The following GALNTL6 variants were observed in gnomAD, a reference collection of about 807,000 sequenced individuals.
GALNTL6 encodes the protein polypeptide N-acetylgalactosaminyltransferase like 6, also known as polypeptide N-acetylgalactosaminyltransferase-like 6.
Under a neutral mutation model 73.7 loss-of-function variants are expected in GALNTL6, and 46 were observed. The observed-to-expected ratio is 0.62, with a 90% CI of 0.49 to 0.80. GALNTL6 has a LOEUF of 0.80. Among genes scored for constraint, GALNTL6 ranks in the 30% least tolerant of loss-of-function variants. The pLI, the probability that GALNTL6 is intolerant of heterozygous loss-of-function variation, is 0.00. For synonymous variants in GALNTL6, 259 were observed against 263.7 expected, an observed-to-expected ratio of 0.98 and a Z score of 0.17; for missense variants, 604 against 755.0, an observed-to-expected ratio of 0.80 and a Z score of 2.34.
intron 10 of GALNTL6, among the ~76,000 whole-genome samples, chr4:172,982,938 A>G (rs544218280): frequency 1.3e-4 from 20 of 152,250 alleles, no homozygotes; most frequent in Admixed American, 9.2e-4. Flanking sequence ...AAATGTATAC[A>G]TATGGATATA....
At chr4:172,542,854 A>G (rs1735613831) in intron 5 of GALNTL6, among the ~76,000 whole-genome samples, 1 of 151,994 alleles carries the variant, frequency 6.6e-6, no homozygotes, top group Non-Finnish European at 1.5e-5. Flanking sequence ...GCACTTTGGG[A>G]GGCGCAGGCG....
At chr4:172,078,854 A>G (rs545468937) in intron 2 of GALNTL6, among the ~76,000 whole-genome samples, 1 of 152,300 alleles carries the variant, frequency 6.6e-6, no homozygotes, top group African/African-American at 2.4e-5. Flanking sequence ...ATAGAAATCT[A>G]AATTTTAAAA....
chr4:172,284,435 AC>A (rs921904181), intron 3 of GALNTL6, among the ~76,000 whole-genome samples: 1 of 149,120 alleles, frequency 6.7e-6, no homozygotes, highest in Non-Finnish European at 1.5e-5. Flanking sequence ...CACCATGTGC[AC>A]CCCCCTGCAC....
intron 7 of GALNTL6, among the ~76,000 whole-genome samples, chr4:172,844,466 T>C (rs1743383345): frequency 6.6e-6 from 1 of 152,252 alleles, no homozygotes. Flanking sequence ...TCAAATCTTT[T>C]TCTTCCAAAG....
intron 4 of GALNTL6, among the ~76,000 whole-genome samples, chr4:172,333,234 C>G (rs2111185634): frequency 6.6e-6 from 1 of 152,126 alleles, no homozygotes; most frequent in South Asian, 2.1e-4. Context: ...GGAGAAACCT[C>G]CTCTCTACTG....
Position 172,978,177 on chromosome 4 carries a change from T to C in GALNTL6, c.1371+25919T>C, listed in dbSNP as rs527950917. Among the ~76,000 whole-genome samples the C allele has an allele frequency of 1.2e-4, 19 of 152,290 alleles. No homozygotes were observed. In the South Asian group the frequency reaches 3.5e-3, roughly 28 times the overall value. On this transcript the variant is annotated intron_variant, in intron 10 of 12. Transcript: ENST00000506823. ...AGGGTCAGTCTGAGAATAGGTAAAATAAAAATTTCTCTCTACAGGAGAAAT... is the reference window on the plus strand; with the variant it reads ...AGGGTCAGTCTGAGAATAGGTAAAACAAAAATTTCTCTCTACAGGAGAAAT...
chr4:172,090,700 TA>T (rs1215278586), intron 2 of GALNTL6, among the ~76,000 whole-genome samples: 4 of 152,312 alleles, frequency 2.6e-5, no homozygotes, highest in African/African-American at 9.6e-5. Flanking sequence ...TTAGTTTAAT[TA>T]GATCCCATTT....
In GALNTL6 at chr4:172,983,917, C is replaced by T. The variant is rs538102406; in HGVS notation, c.1372-25261C>T. 2.0e-4 allele frequency among the ~76,000 whole-genome samples: 30 copies of T among 151,026 alleles called. No homozygotes were observed. The South Asian group carries it at 4.8e-3, about 24-fold the overall frequency. On this transcript the variant is annotated intron_variant, in intron 10 of 12. Transcript: ENST00000506823. ...CATTGTTTTTGCCTGAGACATCTCC[C>T]GGTTGATTTTTTTTTTTTTAAGGTT... is the stretch of plus-strand genomic sequence containing the variant.
chr4:171,895,273 G>C (rs1736874749), intron 2 of GALNTL6, among the ~76,000 whole-genome samples: 1 of 152,210 alleles, frequency 6.6e-6, no homozygotes, highest in South Asian at 2.1e-4. Context: ...TAGCCTGGGA[G>C]TAGGGACTGT....
intron 8 of GALNTL6, among the ~76,000 whole-genome samples, chr4:172,891,021 T>C (rs998296006): frequency 1.3e-5 from 2 of 152,200 alleles, no homozygotes; most frequent in Non-Finnish European, 1.5e-5. Context: ...TCTTTTTTGT[T>C]TACCATTTGC....
chr4:171,949,542 G>A (rs1738804806), intron 2 of GALNTL6, among the ~76,000 whole-genome samples: 1 of 152,140 alleles, frequency 6.6e-6, no homozygotes, highest in Non-Finnish European at 1.5e-5. Flanking sequence ...ATAAAAGAGG[G>A]TGAAGGTGAG....
At chr4:172,646,327 C>T (rs1740240727) in intron 5 of GALNTL6, among the ~76,000 whole-genome samples, 1 of 151,954 alleles carries the variant, frequency 6.6e-6, no homozygotes, top group Admixed American at 6.6e-5. Flanking sequence ...ATCAAGTTTT[C>T]CAGTCTATGA....
intron 2 of GALNTL6, among the ~76,000 whole-genome samples, chr4:171,845,103 T>C (rs1407738061): frequency 1.3e-5 from 2 of 152,174 alleles, no homozygotes; most frequent in African/African-American, 4.8e-5. Flanking sequence ...ATGAATTCAT[T>C]TGCCAAGCAA....
chr4:172,190,951 G>A (rs953964471), intron 2 of GALNTL6, among the ~76,000 whole-genome samples: 9 of 152,128 alleles, frequency 5.9e-5, no homozygotes, highest in South Asian at 4.2e-4. Context: ...TGTCTTCCTC[G>A]TGATTTTTTC....
At chr4:172,004,179 G>T (rs997725739) in intron 2 of GALNTL6, among the ~76,000 whole-genome samples, 4 of 152,158 alleles carry the variant, frequency 2.6e-5, no homozygotes, top group Non-Finnish European at 4.4e-5. Flanking sequence ...TAAACCTTTT[G>T]TTCCTAACTG....
chr4:172,177,774 CAT>C (rs376416193), intron 2 of GALNTL6, among the ~76,000 whole-genome samples: 61 of 99,268 alleles, frequency 6.1e-4, no homozygotes, highest in African/African-American at 2.6e-3. Context: ...TATATGTACA[CAT>C]ATATACACAT....
At chr4:172,759,611 G>A (rs1202271168) in intron 5 of GALNTL6, among the ~76,000 whole-genome samples, 1 of 152,044 alleles carries the variant, frequency 6.6e-6, no homozygotes, top group Non-Finnish European at 1.5e-5. Flanking sequence ...TCCTCCACCT[G>A]ACTGTGTCCT....
chr4:172,206,087 T>C (rs1428431331), intron 2 of GALNTL6, among the ~76,000 whole-genome samples: 4 of 152,132 alleles, frequency 2.6e-5, no homozygotes, highest in Non-Finnish European at 5.9e-5. Context: ...TATGTATGTG[T>C]ATCTGGAGAT....
At chr4:171,993,219 G>A (rs541426917) in intron 2 of GALNTL6, among the ~76,000 whole-genome samples, 7 of 151,962 alleles carry the variant, frequency 4.6e-5, no homozygotes, top group Non-Finnish European at 1.0e-4. Flanking sequence ...GAGAAAAATA[G>A]TTCATATGTT....
Sources: allele counts gnomAD v4.1 joint callset (sites outside exome capture counted in the v4.1 genomes callset), GRCh38; gene constraint gnomAD v4.1.1; transcripts MANE v1.5; gene names NCBI Gene and HGNC (gene_info 2026-07-23, HGNC 2026-07-21).